DPP6: variants seen among roughly 807,000 people sequenced by gnomAD.
DPP6 encodes dipeptidyl peptidase like 6, also known as A-type potassium channel modulatory protein DPP6.
DPP6 carries 69 observed loss-of-function variants against 122.6 expected under a neutral mutation model. That is an observed-to-expected ratio of 0.56 (90% CI 0.46 to 0.69). The LOEUF is 0.69. DPP6 is among the 30% of genes least tolerant of loss of function. The pLI is 0.00. For missense variants in DPP6, 928 were observed against 1,116.9 expected (o/e 0.83, Z 2.41); for synonymous variants, 418 against 433.1 (o/e 0.97, Z 0.43).
Position 154,791,102 on chromosome 7 carries a change from A to G in DPP6, c.1137-2977A>G, listed in dbSNP as rs1797646902. On this transcript the variant is annotated intron_variant, in intron 10 of 25. Transcript: ENST00000377770. ...CCCCATCTCTACTAAAAACACAAAA[A>G]TTAGCCAGGCATGGTGGCAGACATC... Among the ~76,000 whole-genome samples the G allele has an allele frequency of 2.0e-5, 3 of 152,124 alleles. No homozygotes were observed. The East Asian group carries it at 5.8e-4, about 30-fold the overall frequency.
chr7:153,818,504 TGGCAGGGAAA>T, the DPP6 span, among the ~76,000 whole-genome samples: 3 of 152,098 alleles, frequency 2.0e-5, no homozygotes, highest in Non-Finnish European at 4.4e-5. Context: ...TACTACCCAG[TGGCAGGGAAA>T]AGCTACAGCT....
chr7:154,283,104 C>G (rs972815986), intron 1 of DPP6, among the ~76,000 whole-genome samples: 1 of 152,186 alleles, frequency 6.6e-6, no homozygotes. Flanking sequence ...TGAATCGGGA[C>G]CAGTCTCATC....
chr7:153,936,395 T>C (rs1335118383), intron 1 of DPP6, among the ~76,000 whole-genome samples: 1 of 152,164 alleles, frequency 6.6e-6, no homozygotes, highest in East Asian at 1.9e-4. Flanking sequence ...GCAGCTGTTC[T>C]GGGGAGACCG....
intron 1 of DPP6, among the ~76,000 whole-genome samples, chr7:154,021,228 A>G (rs562456802): frequency 4.6e-5 from 7 of 152,234 alleles, no homozygotes; most frequent in African/African-American, 1.4e-4. Flanking sequence ...TTGATCACCC[A>G]TGCACCTCAC....
chr7:154,714,524 GA>G (rs1841371149), intron 7 of DPP6, among the ~76,000 whole-genome samples: 1 of 152,172 alleles, frequency 6.6e-6, no homozygotes, highest in Non-Finnish European at 1.5e-5. Context: ...AGGGCAGCAG[GA>G]GAGGGAATGA....
intron 1 of DPP6, among the ~76,000 whole-genome samples, chr7:154,374,935 T>C (rs6977820): frequency 0.6 from 90,823 of 151,720 alleles, 30,824 homozygotes; most frequent in East Asian, 0.75. Context: ...TAATTAATTC[T>C]TTCAACAAAT....
chr7:154,503,525 A>G (rs776445065), intron 3 of DPP6, among the ~76,000 whole-genome samples: 1 of 152,234 alleles, frequency 6.6e-6, no homozygotes, highest in Non-Finnish European at 1.5e-5. Flanking sequence ...GCCACCATAA[A>G]TGACATTAAA....
rs57452803 is a variant in DPP6 at position 154,821,677 on chromosome 7, T to TAC, written c.1666+14573_1666+14574dup. On this transcript the variant is annotated intron_variant, in intron 16 of 25. Transcript: ENST00000377770. This position sits in a 1 kb window ranked among gnomAD's most constrained non-coding sequence, Gnocchi z 4.2. ...ATATATATATATACACATATATATA[T>TAC]ACACACACATATATATATACACACA... 2.2e-5 allele frequency among the ~76,000 whole-genome samples: 3 copies of TAC among 133,820 alleles called. No individual in the cohort carries two copies. The highest frequency in any genetic ancestry group is 2.4e-4 in the South Asian group (1 of 4,154). The allele number at this position is 133,820 out of a possible 152,430, so 87.8% of individuals were successfully genotyped here. A position where few individuals can be genotyped will look rare whatever the true frequency, so the allele number is the denominator to read the frequency against.
At chr7:153,985,291 C>A (rs2129039691) in intron 1 of DPP6, among the ~76,000 whole-genome samples, 1 of 152,292 alleles carries the variant, frequency 6.6e-6, no homozygotes, top group East Asian at 1.9e-4. Flanking sequence ...TCAAGAGGGA[C>A]TGGACAAAGT....
chr7:154,100,287 A>G lies in DPP6; in HGVS notation c.243+47224A>G, dbSNP rs1364755017. Among the ~76,000 whole-genome samples, 2 of 97,184 alleles carry G rather than the reference A, an allele frequency of 2.1e-5. 1 individual carries two copies. The highest frequency in any genetic ancestry group is 8.8e-5 in the African/African-American group (2 of 22,746). 63.8% of individuals were successfully genotyped at this position (97,184 alleles called of 152,430 possible). On this transcript the variant is annotated intron_variant, in intron 1 of 25. Transcript: ENST00000377770. ...GAACATACACTGAAAAAAAAATCCC[A>G]GTTATTCTCTGAGTCCTTACATAGA...
chr7:154,031,087 A>T (rs377008889), intron 1 of DPP6, among the ~76,000 whole-genome samples: 74 of 151,806 alleles, frequency 4.9e-4, no homozygotes, highest in African/African-American at 1.2e-3. Context: ...CTCCCTGGCT[A>T]TTATCTCTTA....
intron 1 of DPP6, among the ~76,000 whole-genome samples, chr7:154,076,025 A>G (rs962465901): frequency 1.3e-5 from 2 of 151,550 alleles, no homozygotes; most frequent in African/African-American, 4.8e-5. Flanking sequence ...TAATCCAGTT[A>G]TCTGTCCTTC....
rs529364389 is a variant in DPP6, at chr7:154,203,857, C to T, written c.243+150794C>T. On this transcript the variant is annotated intron_variant, in intron 1 of 25. Coordinates refer to ENST00000377770, the MANE Select transcript of DPP6 (RefSeq NM_130797.4). ...CAAGTCGTCTACATTTACTTTGCCT[C>T]AGTTTCTTATAAGAAGATAGAGGCA... is the stretch of plus-strand genomic sequence containing the variant. Among the ~76,000 whole-genome samples, 7 of 152,288 alleles carry T rather than the reference C, an allele frequency of 4.6e-5. No homozygotes were observed. In the South Asian group the frequency reaches 1.5e-3, roughly 32 times the overall value.
At chr7:154,876,459 A>T in intron 20 of DPP6, 1 of 197,696 alleles carries the variant, frequency 5.1e-6, no homozygotes, top group Non-Finnish European at 1.0e-5. Context: ...AGAAGAGATC[A>T]GGAAGGAAGG....
chr7:154,280,413 A>G (rs1437755285), intron 1 of DPP6, among the ~76,000 whole-genome samples: 1 of 152,098 alleles, frequency 6.6e-6, no homozygotes, highest in Non-Finnish European at 1.5e-5. Context: ...ACCTTGGCTC[A>G]TACCCAAACT....
In DPP6 at chr7:154,326,817, C is replaced by T. The variant is rs1252219041; in HGVS notation, c.244-119397C>T. Reference sequence around the variant, plus strand: ...ATATGGCAAGTAAAATGGATTTCCTCGGGGCCTGGAAGGAATTCCTGTTCA... The same window carrying T: ...ATATGGCAAGTAAAATGGATTTCCTTGGGGCCTGGAAGGAATTCCTGTTCA... On this transcript the variant is annotated intron_variant, in intron 1 of 25. Coordinates refer to ENST00000377770, the MANE Select transcript of DPP6 (RefSeq NM_130797.4). Among the ~76,000 whole-genome samples, 3 of 152,096 alleles carry T rather than the reference C, an allele frequency of 2.0e-5. No individual in the cohort carries two copies. In the East Asian group the frequency reaches 5.8e-4, roughly 29 times the overall value.
rs549002438 is a variant in DPP6, at chr7:154,816,496, A to G, written c.1666+9384A>G. 1.4e-4 allele frequency among the ~76,000 whole-genome samples: 21 copies of G among 152,288 alleles called. No individual in the cohort carries two copies. In the East Asian group the frequency reaches 3.7e-3, roughly 27 times the overall value. ...GTCTGGGAACATGTCCCTGGTGGAT[A>G]TGGGGCACCACTGTACCTGTCCTGT... On this transcript the variant is annotated intron_variant, in intron 16 of 25. Transcript: ENST00000377770.
At chr7:154,852,373 C>G (rs1358069028) in intron 16 of DPP6, among the ~76,000 whole-genome samples, 2 of 152,156 alleles carry the variant, frequency 1.3e-5, no homozygotes, top group Non-Finnish European at 2.9e-5. Flanking sequence ...CCACAGTGTT[C>G]CCACAGTGCA....
chr7:154,880,477 G>A (rs1479441359), intron 20 of DPP6, among the ~76,000 whole-genome samples: 1 of 152,224 alleles, frequency 6.6e-6, no homozygotes, highest in Non-Finnish European at 1.5e-5. Context: ...TAGAACCAGA[G>A]CTCCACAGAT....
Sources: allele counts gnomAD v4.1 joint callset (sites outside exome capture counted in the v4.1 genomes callset), GRCh38; gene constraint gnomAD v4.1.1; non-coding constraint Gnocchi (gnomAD v3.1); transcripts MANE v1.5; gene names NCBI Gene and HGNC (gene_info 2026-07-23, HGNC 2026-07-21).